The following CUBN variants were observed in gnomAD, a reference collection of about 807,000 sequenced individuals.
CUBN encodes the protein 460 kDa receptor.
A neutral mutation model predicts 405.3 loss-of-function variants in CUBN; 282 were observed. The ratio of observed to expected loss-of-function variants is 0.70; its 90% CI spans 0.63 to 0.77. The LOEUF (loss-of-function observed/expected upper bound fraction) is 0.77, where lower values mean the gene tolerates loss of function less well. Ranked by LOEUF, CUBN falls within the 30% of genes least tolerant of loss-of-function variation. The pLI is 0.00. For synonymous variants in CUBN, 1,684 were observed against 1,617.0 expected, an observed-to-expected ratio of 1.04 and a Z score of -0.99; for missense variants, 4,514 against 4,475.2, an observed-to-expected ratio of 1.01 and a Z score of -0.25.
chr10:16,943,496 G>A (rs547717032), intron 36 of CUBN, among the ~76,000 whole-genome samples: 1 of 152,034 alleles, frequency 6.6e-6, no homozygotes, highest in Non-Finnish European at 1.5e-5. Context: ...GCCAACTTTT[G>A]TGTATACATT....
rs1839269310 is a variant in CUBN, at chr10:16,839,323, G to A, written c.10032+1007C>T. On this transcript the variant is annotated intron_variant, in intron 62 of 66. Coordinates refer to ENST00000377833, the MANE Select transcript of CUBN (RefSeq NM_001081.4). The stretch of plus-strand genomic sequence containing the variant: ...CACCTGATTGGAGGGCTTTGTGTAT[G>A]GATGAAAAACACATTAAGCTGGAAG... 5.3e-5 allele frequency among the ~76,000 whole-genome samples: 8 copies of A among 152,160 alleles called. No homozygotes were observed. In the South Asian group the frequency reaches 1.7e-3, roughly 32 times the overall value.
In CUBN at chr10:17,114,080, A is replaced by C. The variant is rs1342122683; in HGVS notation, c.830T>G (p.Leu277Arg). The C allele has an allele frequency of 6.2e-7, 1 of 1,613,188 alleles. No homozygotes were observed. Among genetic ancestry groups the C allele is most frequent in the Non-Finnish European group, 8.5e-7 (1 of 1,179,736 alleles). Residue 277 changes from leucine (L) to arginine (R), a missense_variant, in exon 8 of 67, where the codon CTT (leucine) becomes CGT (arginine). Leu to Arg is a moderately radical substitution (Grantham distance 102, BLOSUM62 -2). Around this residue, in one of 5 missense-constraint regions of CUBN, gnomAD observed 1,448 missense variants for 1,388.0 expected, o/e 1.04. Transcript: ENST00000377833. ...GCCTTGAGTGTTGAAACACTGCACA[A>C]GTGTGGAGCAAGGCCCGGGCTGGAA... ...CSFQPGPCST[L>R]VQCFNTQGSF...
At chr10:17,127,279 T>G (rs1215994261) in intron 3 of CUBN, among the ~76,000 whole-genome samples, 28 of 127,284 alleles carry the variant, frequency 2.2e-4, no homozygotes, top group African/African-American at 5.1e-4. Context: ...TTTTTTTTTT[T>G]TTTTCTGGCA....
intron 56 of CUBN, among the ~76,000 whole-genome samples, chr10:16,879,584 C>T (rs144367164): frequency 3.0e-4 from 46 of 152,298 alleles, no homozygotes; most frequent in Non-Finnish European, 4.1e-4. Flanking sequence ...CTGACAAAAT[C>T]GTTATGCACA....
At chr10:16,882,871 G>A (rs1486215541) in intron 56 of CUBN, among the ~76,000 whole-genome samples, 1 of 152,048 alleles carries the variant, frequency 6.6e-6, no homozygotes, top group Non-Finnish European at 1.5e-5. Flanking sequence ...ATTATTAGCT[G>A]GGCATGGTGT....
intron 48 of CUBN, among the ~76,000 whole-genome samples, chr10:16,912,664 A>C (rs1302377428): frequency 6.6e-6 from 1 of 152,212 alleles, no homozygotes; most frequent in Non-Finnish European, 1.5e-5. Context: ...TGAAGGCAAC[A>C]GCCAGATGGG....
chr10:17,122,472 A>G, intron 6 of CUBN: 1 of 411,228 alleles, frequency 2.4e-6, no homozygotes, highest in Admixed American at 3.5e-5. Context: ...GCTCCCCTTC[A>G]ATGCTCCGGC....
chr10:16,883,729 A>C (rs1318359037), intron 56 of CUBN, among the ~76,000 whole-genome samples: 1 of 152,140 alleles, frequency 6.6e-6, no homozygotes, highest in Non-Finnish European at 1.5e-5. Flanking sequence ...ATCTGGGCCC[A>C]CTCCTGTTGG....
chr10:16,869,676 CTGAAA>C lies in CUBN; in HGVS notation c.9409_9413del (p.Phe3137AspfsTer28). ...AAGACATCTTCCAGCCTTTTGCTGT[CTGAAA>C]TGAATCTGTCTTGAACACCAGGAGC... On this transcript the variant is annotated frameshift_variant, in exon 59 of 67. Transcript: ENST00000377833. LOFTEE classifies it high-confidence loss of function. 1.2e-6 allele frequency: 2 copies of C among 1,613,982 alleles called. No homozygotes were observed. The highest frequency in any genetic ancestry group is 1.7e-6 in the Non-Finnish European group (2 of 1,179,986).
In CUBN at chr10:16,825,008, A is replaced by G; in HGVS notation, c.10839T>C (p.Arg3613=). 3.7e-6 allele frequency: 6 copies of G among 1,614,006 alleles called. No individual in the cohort carries two copies. The highest frequency in any genetic ancestry group is 5.1e-6 in the Non-Finnish European group (6 of 1,179,938). The change falls in exon 67 of 67, where the codon CGT becomes CGC. Residue 3613 remains arginine, a synonymous_variant. Transcript: ENST00000377833. Reference sequence around the variant, plus strand: ...CCCAAGTTAATCGGAATGCGGATGGACGCCGTGCATAATCAGCATGAAATT... The same window carrying G: ...CCCAAGTTAATCGGAATGCGGATGGGCGCCGTGCATAATCAGCATGAAATT... ...FIKFHADYAR[R]PSAFRLTWDS
intron 28 of CUBN, among the ~76,000 whole-genome samples, chr10:16,991,858 A>T (rs2131720165): frequency 6.6e-6 from 1 of 152,270 alleles, no homozygotes; most frequent in East Asian, 1.9e-4. Flanking sequence ...CTAGAACTAC[A>T]AATACCATTT....
chr10:16,888,613 A>G, intron 55 of CUBN, 47 bp from the exon 56 acceptor site: 1 of 1,567,686 alleles, frequency 6.4e-7, no homozygotes, highest in Non-Finnish European at 8.8e-7. Flanking sequence ...TTTCTCGTGT[A>G]TCTATTTTGT....
intron 41 of CUBN, 91 bp from the exon 42 acceptor site, chr10:16,925,865 T>C: frequency 8.8e-7 from 1 of 1,133,844 alleles, no homozygotes; most frequent in South Asian, 1.3e-5. Context: ...GTTTTCAAAG[T>C]GGAGGCAATA....
intron 27 of CUBN, among the ~76,000 whole-genome samples, chr10:17,020,945 C>A (rs1036198009): frequency 6.6e-6 from 1 of 152,080 alleles, no homozygotes; most frequent in East Asian, 1.9e-4. Flanking sequence ...AAATTTCTTA[C>A]CAGAAAGTTT....
chr10:17,113,610 G>A (rs192910606), intron 8 of CUBN, among the ~76,000 whole-genome samples: 11 of 152,262 alleles, frequency 7.2e-5, no homozygotes, highest in Non-Finnish European at 1.2e-4. Flanking sequence ...GGTCAAGGCC[G>A]CAAGATACTC....
At chr10:16,918,828 T>C (rs1841960795) in intron 44 of CUBN, 28 bp from the exon 45 acceptor site, 1 of 1,601,910 alleles carries the variant, frequency 6.2e-7, no homozygotes, top group Non-Finnish European at 8.5e-7. Context: ...TTCTGTTAAA[T>C]TTACATGGTC....
chr10:16,877,824 A>T (rs893052903), intron 56 of CUBN, among the ~76,000 whole-genome samples: 1 of 152,250 alleles, frequency 6.6e-6, no homozygotes, highest in Non-Finnish European at 1.5e-5. Flanking sequence ...ATATGTGTCC[A>T]CTACAACATA....
At position 17,084,337 on chromosome 10, in the gene CUBN, T is replaced by G. The variant is rs1166319813; in HGVS notation, c.2235A>C (p.Gln745His). Residue 745 changes from glutamine (Q) to histidine (H), a missense_variant, in exon 17 of 67, where the codon CAA becomes CAC. By Grantham distance (24) the Gln-to-His change is conservative. Around this residue, in one of 5 missense-constraint regions of CUBN, gnomAD observed 1,448 missense variants for 1,388.0 expected, o/e 1.04. Transcript: ENST00000377833. ...CCACGTGGGTGAAGTTGATTTGTATTTGTTCTCCCTGGGGCTGCTTCATCA... is the reference window on the plus strand; with the variant it reads ...CCACGTGGGTGAAGTTGATTTGTATGTGTTCTCCCTGGGGCTGCTTCATCA... The part of the protein sequence containing the change: ...VYMMKQPQGE[Q>H]IQINFTHVEL... 6.2e-7 allele frequency: 1 copy of G among 1,614,154 alleles called. No individual in the cohort carries two copies. The highest frequency in any genetic ancestry group is 1.7e-5 in the Admixed American group (1 of 60,016).
At chr10:17,048,411 C>T (rs965937161) in intron 22 of CUBN, among the ~76,000 whole-genome samples, 2 of 152,050 alleles carry the variant, frequency 1.3e-5, no homozygotes, top group Non-Finnish European at 2.9e-5. Context: ...TTATTACCAC[C>T]CACTCAATCT....
Sources: allele counts gnomAD v4.1 joint callset (sites outside exome capture counted in the v4.1 genomes callset), GRCh38; gene constraint gnomAD v4.1.1; regional missense constraint gnomAD v4.1.1; transcripts MANE v1.5; gene names NCBI Gene and HGNC (gene_info 2026-07-23, HGNC 2026-07-21).